XKR6: variants seen among roughly 807,000 people sequenced by gnomAD.
XKR6 encodes the protein XK-related protein 6.
In XKR6, 22 loss-of-function variants were observed where a neutral mutation model predicts 56.7. The ratio of observed to expected loss-of-function variants is 0.39; its 90% CI spans 0.28 to 0.55. The LOEUF is 0.55. Ranked by LOEUF, XKR6 falls within the 20% of genes least tolerant of loss-of-function variation. The pLI, the probability that XKR6 is intolerant of heterozygous loss-of-function variation, is 0.66. For missense variants in XKR6, 852 were observed against 889.0 expected (o/e 0.96, Z 0.53); for synonymous variants, 524 against 387.8 (o/e 1.35, Z -4.13).
Position 11,147,018 on chromosome 8 carries a change from G to A in XKR6, c.764+53558C>T, listed in dbSNP as rs189327150. On this transcript the variant is annotated intron_variant, in intron 1 of 2. Coordinates refer to ENST00000416569, the MANE Select transcript of XKR6 (RefSeq NM_173683.4). ...TCAAAGGGAAAAAATACAGCCTGAA[G>A]CTAACAATACTGTGTGGTATACTTA... 1.7e-4 allele frequency among the ~76,000 whole-genome samples: 26 copies of A among 152,030 alleles called. No individual in the cohort carries two copies. The East Asian group carries it at 5.0e-3, about 29-fold the overall frequency.
intron 1 of XKR6, among the ~76,000 whole-genome samples, chr8:10,963,369 T>C (rs1333252810): frequency 1.3e-5 from 2 of 152,164 alleles, no homozygotes; most frequent in East Asian, 3.9e-4. Flanking sequence ...CCTCCCCTTA[T>C]CTGCTGTACT....
At chr8:11,193,083 C>G (rs1199492375) in intron 1 of XKR6, among the ~76,000 whole-genome samples, 2 of 152,082 alleles carry the variant, frequency 1.3e-5, no homozygotes, top group Non-Finnish European at 2.9e-5. Flanking sequence ...CAGGGCAAAC[C>G]GTAATTATCA....
chr8:11,091,402 A>G (rs572257258), intron 1 of XKR6, among the ~76,000 whole-genome samples: 184 of 151,764 alleles, frequency 1.2e-3, no homozygotes, highest in African/African-American at 4.3e-3. Context: ...TGCACCCTGC[A>G]CTCCAGTCTG....
chr8:10,902,349 TTCCC>T, intron 2 of XKR6, among the ~76,000 whole-genome samples: 1 of 152,152 alleles, frequency 6.6e-6, no homozygotes, highest in Non-Finnish European at 1.5e-5. Context: ...CTAGGGGAGC[TTCCC>T]AGACCATCCA....
At chr8:10,975,666 G>A (rs2129135286) in intron 1 of XKR6, among the ~76,000 whole-genome samples, 1 of 152,236 alleles carries the variant, frequency 6.6e-6, no homozygotes, top group South Asian at 2.1e-4. Context: ...CAATTAAAGG[G>A]GAAACAAAGC....
intron 2 of XKR6, among the ~76,000 whole-genome samples, chr8:10,918,205 G>C (rs759439314): frequency 2.6e-5 from 4 of 152,156 alleles, no homozygotes; most frequent in African/African-American, 9.7e-5. Flanking sequence ...GAGCTGGAGG[G>C]TCCTTGTCCT....
In XKR6 at chr8:10,897,799, C is replaced by CT. The variant is rs961222705; in HGVS notation, c.*152dup. On this transcript the variant is annotated 3_prime_UTR_variant, in exon 3 of 3. Coordinates refer to ENST00000416569, the MANE Select transcript of XKR6 (RefSeq NM_173683.4). ...TTGAAGGGGTTGTGACTTATTAATTCTTTTTTTTTTGTAGTGGTGGTGTTG... is the reference window on the plus strand; with the variant it reads ...TTGAAGGGGTTGTGACTTATTAATTCTTTTTTTTTTTGTAGTGGTGGTGTTG... 7.5e-3 allele frequency: 6,190 copies of CT among 825,478 alleles called. No homozygotes were observed. The highest frequency in any genetic ancestry group is 8.8e-3 in the South Asian group (334 of 38,086). The allele number at this position is 825,478 out of a possible 1,614,324, so 51.1% of individuals were successfully genotyped here.
At chr8:10,913,765 G>C (rs563793353) in intron 2 of XKR6, among the ~76,000 whole-genome samples, 1 of 152,206 alleles carries the variant, frequency 6.6e-6, no homozygotes, top group Non-Finnish European at 1.5e-5. Context: ...TTTTCTCCCA[G>C]GTGACAGGAA....
At chr8:11,176,004 G>C (rs113871149) in intron 1 of XKR6, among the ~76,000 whole-genome samples, 6 of 152,286 alleles carry the variant, frequency 3.9e-5, no homozygotes, top group African/African-American at 9.6e-5. Context: ...TGACCCCTAA[G>C]AATGTGATCA....
intron 1 of XKR6, among the ~76,000 whole-genome samples, chr8:10,951,880 C>T (rs1348118848): frequency 6.6e-6 from 1 of 152,112 alleles, no homozygotes; most frequent in African/African-American, 2.4e-5. Context: ...ATGGGGATGC[C>T]AGGTCGGGAA....
At chr8:10,912,673 T>TGTAA (rs1800433479) in intron 2 of XKR6, among the ~76,000 whole-genome samples, 4 of 130,034 alleles carry the variant, frequency 3.1e-5, no homozygotes, top group African/African-American at 9.5e-5. Flanking sequence ...TCTATATATA[T>TGTAA]AGAGAGGGTG....
intron 2 of XKR6, among the ~76,000 whole-genome samples, chr8:10,922,584 T>A (rs1216979218): frequency 6.6e-6 from 1 of 152,200 alleles, no homozygotes; most frequent in Non-Finnish European, 1.5e-5. Context: ...ACAAATGATG[T>A]TGTTCAAACT....
At chr8:10,995,006 C>T (rs1798077882) in intron 1 of XKR6, among the ~76,000 whole-genome samples, 1 of 152,204 alleles carries the variant, frequency 6.6e-6, no homozygotes, top group African/African-American at 2.4e-5. Context: ...CCCTGTGTCA[C>T]ATTCACCCGT....
chr8:11,016,275 CGCGCCCTG>C lies in XKR6; in HGVS notation c.765-91453_765-91446del, dbSNP rs1798619929. Among the ~76,000 whole-genome samples the C allele has an allele frequency of 2.0e-5, 3 of 152,306 alleles. No individual in the cohort carries two copies. In the South Asian group the frequency reaches 6.2e-4, roughly 32 times the overall value. ...CGGGGGCCTCTGCGTCCCTCTGCCC[CGCGCCCTG>C]GATGGGGAGGGTCTGGGCTCCGCGC... On this transcript the variant is annotated intron_variant, in intron 1 of 2. Transcript: ENST00000416569.
chr8:11,201,003 C>G lies in XKR6; in HGVS notation c.337G>C (p.Ala113Pro), dbSNP rs768267656. 1 of 1,392,900 alleles carries G rather than the reference C, an allele frequency of 7.2e-7. No homozygotes were observed. The highest frequency in any genetic ancestry group is 9.3e-7 in the Non-Finnish European group (1 of 1,072,992). The allele number at this position is 1,392,900 out of a possible 1,614,324, so 86.3% of individuals were successfully genotyped here. ...AGRQPPTPSA[A>P]RPEPPPPQVE... ...TGCGGCGGCGGCGGCTCCGGCCGCG[C>G]GGCCGAGGGCGTCGGGGGTTGGCGG... Residue 113 changes from alanine to proline, a missense_variant, in exon 1 of 3, where the codon GCG (alanine) becomes CCG (proline). Physicochemically the swap from Ala to Pro is conservative, Grantham distance 27. Coordinates refer to ENST00000416569, the MANE Select transcript of XKR6 (RefSeq NM_173683.4).
chr8:11,145,003 G>T lies in XKR6; in HGVS notation c.764+55573C>A, dbSNP rs954428121. On this transcript the variant is annotated intron_variant, in intron 1 of 2. Transcript: ENST00000416569. The stretch of plus-strand genomic sequence containing the variant: ...AGGGAGGGATGGAGAAAGGGAGAAG[G>T]GAGGGAGGAAGGGAAAGAAGGGAGA... Among the ~76,000 whole-genome samples the T allele has an allele frequency of 3.2e-4, 46 of 142,024 alleles. 1 individual carries two copies. The highest frequency in any genetic ancestry group is 1.2e-3 in the African/African-American group (45 of 37,478). The allele number at this position is 142,024 out of a possible 152,430, so 93.2% of individuals were successfully genotyped here.
chr8:11,021,028 C>T lies in XKR6; in HGVS notation c.765-96198G>A, dbSNP rs142926393. Among the ~76,000 whole-genome samples, 467 of 152,226 alleles carry T rather than the reference C, an allele frequency of 3.1e-3. 6 individuals carry two copies. Among genetic ancestry groups the T allele is most frequent in the Non-Finnish European group, 3.7e-3 (250 of 67,956 alleles). On this transcript the variant is annotated intron_variant, in intron 1 of 2. Transcript: ENST00000416569. ...AATGGGGGTTCAGGCTCACCTTTTA[C>T]AAAGGGACCCTAGGGGGTCCTATGA... is the stretch of plus-strand genomic sequence containing the variant.
intron 1 of XKR6, among the ~76,000 whole-genome samples, chr8:11,054,713 G>C (rs970090493): frequency 6.6e-6 from 1 of 152,222 alleles, no homozygotes; most frequent in African/African-American, 2.4e-5. Context: ...CTTGCTGGTG[G>C]GTGGGAAGGA....
chr8:11,034,406 T>C (rs1165962439), intron 1 of XKR6, among the ~76,000 whole-genome samples: 1 of 151,940 alleles, frequency 6.6e-6, no homozygotes, highest in Non-Finnish European at 1.5e-5. Flanking sequence ...GTCCAGGACA[T>C]TTATGGGGAA....
Sources: allele counts gnomAD v4.1 joint callset (sites outside exome capture counted in the v4.1 genomes callset), GRCh38; gene constraint gnomAD v4.1.1; transcripts MANE v1.5; gene names NCBI Gene and HGNC (gene_info 2026-07-23, HGNC 2026-07-21).